The following TRPV1 variants were observed in gnomAD, a reference collection of about 807,000 sequenced individuals.
TRPV1 encodes the protein OTRPC1.
TRPV1 carries 82 observed loss-of-function variants against 82.3 expected under a neutral mutation model. That is an observed-to-expected ratio of 1.00 (90% CI 0.83 to 1.20). The LOEUF is 1.20. TRPV1 is among the 50% of genes most tolerant of loss of function. TRPV1 has a pLI of 0.00. For synonymous variants in TRPV1, 515 were observed against 467.7 expected (o/e 1.10, Z -1.30); for missense variants, 1,067 against 1,096.8 (o/e 0.97, Z 0.38).
chr17:3,591,063 C>G lies in TRPV1; in HGVS notation c.505G>C (p.Gly169Arg). ...LLKAMLNLHD[G>R]QNTTIPLLLE... ...AGCAGGGGGATGGTGGTGTTCTGTC[C>G]GTCGTGCAGGTTGAGCATGGCTTTC... The change falls in exon 5 of 17, where the codon GGA becomes CGA. Residue 169 changes from glycine (G) to arginine (R), a missense_variant. Transcript: ENST00000572705. 2 of 1,613,104 alleles carry G rather than the reference C, an allele frequency of 1.2e-6. No individual in the cohort carries two copies. The highest frequency in any genetic ancestry group is 8.5e-7 in the Non-Finnish European group (1 of 1,179,610).
chr17:3,590,936 C>G, intron 5 of TRPV1, 28 bp downstream of exon 5: 2 of 1,559,420 alleles, frequency 1.3e-6, no homozygotes, highest in Non-Finnish European at 1.7e-6. Context: ...GCGGGCTGAG[C>G]CATGCCCGGC....
At chr17:3,605,477 T>G (rs1419571575) in intron 2 of TRPV1, among the ~76,000 whole-genome samples, 1 of 151,038 alleles carries the variant, frequency 6.6e-6, no homozygotes, top group Non-Finnish European at 1.5e-5. Context: ...ACCACTGCAC[T>G]CCAGCCTGGG....
At chr17:3,573,267 T>C (rs956960251) in intron 14 of TRPV1, among the ~76,000 whole-genome samples, 1 of 152,132 alleles carries the variant, frequency 6.6e-6, no homozygotes, top group South Asian at 2.1e-4. Context: ...GTGGACACCC[T>C]GTCGGGCTGA....
chr17:3,593,444 C>G (rs1331408368), intron 2 of TRPV1, among the ~76,000 whole-genome samples: 2 of 152,144 alleles, frequency 1.3e-5, no homozygotes, highest in African/African-American at 4.8e-5. Context: ...CATCCTGCCC[C>G]ATCCCCATGC....
chr17:3,601,729 T>C (rs925375794), intron 2 of TRPV1: 2 of 150,050 alleles, frequency 1.3e-5, no homozygotes, highest in Non-Finnish European at 3.0e-5. Context: ...CCCAAGTAAC[T>C]GGGACTACAG....
At chr17:3,593,156 C>T (rs35075293) in intron 2 of TRPV1, among the ~76,000 whole-genome samples, 23,185 of 149,360 alleles carry the variant, frequency 0.16, 5,963 homozygotes, top group African/African-American at 0.53. Context: ...CTCACTCTGT[C>T]GCCCAGACTA....
intron 10 of TRPV1, among the ~76,000 whole-genome samples, chr17:3,581,994 T>C (rs1317369215): frequency 3.4e-5 from 5 of 145,636 alleles, no homozygotes; most frequent in South Asian, 4.5e-4. Flanking sequence ...ATCGAGACCA[T>C]CCTGGCTAAC....
At chr17:3,608,646 C>T (rs976195241) in intron 1 of TRPV1, 81 bp from the exon 2 acceptor site, 3 of 152,144 alleles carry the variant, frequency 2.0e-5, no homozygotes, top group South Asian at 4.1e-4. Flanking sequence ...CGTGGTTGAC[C>T]GCAGATAACT....
chr17:3,569,005 A>G (rs930730281), intron 16 of TRPV1, among the ~76,000 whole-genome samples: 18 of 152,244 alleles, frequency 1.2e-4, no homozygotes, highest in African/African-American at 4.1e-4. Context: ...TTCTCAGCAA[A>G]CTATTGCAAG....
At position 3,581,997 on chromosome 17, in the gene TRPV1, T is replaced by G. The variant is rs573573179; in HGVS notation, c.1476+1341A>C. On this transcript the variant is annotated intron_variant, in intron 10 of 16. Transcript: ENST00000572705. ...CGAGGTCAGGAGATCGAGACCATCC[T>G]GGCTAACACGGTGAAACCCCGTCTC... is the stretch of plus-strand genomic sequence containing the variant. 1.4e-4 allele frequency among the ~76,000 whole-genome samples: 21 copies of G among 147,168 alleles called. No individual in the cohort carries two copies. In the East Asian group the frequency reaches 3.9e-3, roughly 27 times the overall value.
In TRPV1 at chr17:3,573,594, C is replaced by G. The variant is rs567530531; in HGVS notation, c.2103+39G>C. ...GACAGCAGACAGAGCCGCCCACACT[C>G]TCCGCGCCACTCACCACCCCCCAAC... On this transcript the variant is annotated intron_variant, in intron 14 of 16. Transcript: ENST00000572705. 21 of 1,553,632 alleles carry G rather than the reference C, an allele frequency of 1.4e-5. No homozygotes were observed. The South Asian group carries it at 2.3e-4, about 17-fold the overall frequency.
chr17:3,604,415 T>C (rs1426415792), intron 2 of TRPV1, among the ~76,000 whole-genome samples: 1 of 151,884 alleles, frequency 6.6e-6, no homozygotes, highest in Non-Finnish European at 1.5e-5. Flanking sequence ...CTGGCCAACA[T>C]GGTGAAACCC....
chr17:3,570,037 A>AAGGAGGGGCCAAGCGGTCAGGG (rs1567656507), intron 16 of TRPV1, among the ~76,000 whole-genome samples: 6 of 125,204 alleles, frequency 4.8e-5, no homozygotes, highest in Non-Finnish European at 1.0e-4. Flanking sequence ...AGCGGTCAGG[A>AAGGAGGGGCCAAGCGGTCAGGG]AGGAGGGGTC....
At chr17:3,607,725 C>G (rs577907553) in intron 2 of TRPV1, among the ~76,000 whole-genome samples, 3 of 151,578 alleles carry the variant, frequency 2.0e-5, no homozygotes, top group Admixed American at 6.6e-5. Flanking sequence ...CTAGTAGAGA[C>G]GAGTTTTCAC....
intron 2 of TRPV1, among the ~76,000 whole-genome samples, chr17:3,606,741 C>A (rs1394304102): frequency 2.0e-5 from 3 of 152,116 alleles, no homozygotes; most frequent in African/African-American, 4.8e-5. Flanking sequence ...AAACTGGGAC[C>A]CTCCAAGGCT....
At chr17:3,583,517 G>A (rs1018832290) in intron 9 of TRPV1, 87 bp from the exon 10 acceptor site, 1 of 1,106,462 alleles carries the variant, frequency 9.0e-7, no homozygotes, top group Non-Finnish European at 1.3e-6. Context: ...CATAGTCCCT[G>A]CCCAGGAGGC....
intron 14 of TRPV1, among the ~76,000 whole-genome samples, 161 bp downstream of exon 14, chr17:3,573,472 C>T (rs1166714665): frequency 3.9e-5 from 6 of 152,166 alleles, no homozygotes; most frequent in African/African-American, 1.4e-4. Flanking sequence ...CTGCAGGGCT[C>T]ATGTGCCCAG....
intron 2 of TRPV1, among the ~76,000 whole-genome samples, chr17:3,605,860 A>G (rs930151318): frequency 6.6e-6 from 1 of 152,182 alleles, no homozygotes; most frequent in Non-Finnish European, 1.5e-5. Flanking sequence ...TGCTGGGTGC[A>G]TGGGAGACGT....
At chr17:3,601,169 C>T (rs73303356) in intron 2 of TRPV1, among the ~76,000 whole-genome samples, 67 of 152,086 alleles carry the variant, frequency 4.4e-4, no homozygotes, top group South Asian at 1.2e-3. Context: ...GCCTCTCCTT[C>T]TCGGCCCTCC....
Sources: gnomAD v4.1 joint callset for allele counts (sites outside exome capture counted in the v4.1 genomes callset) on GRCh38, gnomAD v4.1.1 for gene constraint, MANE v1.5 for transcripts, NCBI Gene and HGNC (gene_info 2026-07-23, HGNC 2026-07-21) for gene names.